The following DNAJC1 variants were observed in gnomAD, a reference collection of about 807,000 sequenced individuals.
The protein encoded by DNAJC1 is DnaJ heat shock protein family (Hsp40) member C1, also known as dnaJ homolog subfamily C member 1.
DNAJC1 carries 58 observed loss-of-function variants against 76.6 expected under a neutral mutation model. The observed-to-expected ratio is 0.76, with a 90% CI of 0.61 to 0.94. The LOEUF (loss-of-function observed/expected upper bound fraction) is 0.94, where lower values mean the gene tolerates loss of function less well. DNAJC1 is among the 40% of genes least tolerant of loss of function. The probability of loss-of-function intolerance (pLI) is 0.00; values close to 1 mark genes in which losing one functional copy is unlikely to be tolerated. For synonymous variants in DNAJC1, 258 were observed against 267.9 expected (o/e 0.96, Z 0.36); for missense variants, 689 against 677.3 (o/e 1.02, Z -0.19).
chr10:21,813,382 GCAAA>G (rs1274107021), intron 8 of DNAJC1, among the ~76,000 whole-genome samples: 1 of 127,810 alleles, frequency 7.8e-6, no homozygotes, highest in Non-Finnish European at 1.6e-5. Flanking sequence ...AGGTCAAAGG[GCAAA>G]CAGTCTTTTT....
intron 7 of DNAJC1, among the ~76,000 whole-genome samples, chr10:21,888,613 A>C (rs1422940009): frequency 6.6e-6 from 1 of 152,226 alleles, no homozygotes; most frequent in Non-Finnish European, 1.5e-5. Context: ...GAATGAGATC[A>C]TGTCTTTTGC....
chr10:21,788,830 G>C (rs957118259), intron 9 of DNAJC1, among the ~76,000 whole-genome samples: 3 of 152,124 alleles, frequency 2.0e-5, no homozygotes, highest in African/African-American at 7.2e-5. Flanking sequence ...AGTCAGGCCA[G>C]AGCTGTGAAC....
chr10:21,790,302 G>A (rs1453229951), intron 9 of DNAJC1, among the ~76,000 whole-genome samples: 1 of 151,676 alleles, frequency 6.6e-6, no homozygotes, highest in Non-Finnish European at 1.5e-5. Flanking sequence ...CCCAAATCTG[G>A]GGCATCCAGA....
intron 1 of DNAJC1, among the ~76,000 whole-genome samples, chr10:21,985,888 T>C (rs1171460712): frequency 2.0e-5 from 3 of 152,046 alleles, no homozygotes; most frequent in Admixed American, 2.0e-4. Flanking sequence ...TGTGGATACC[T>C]AGGAGGAACT....
intron 9 of DNAJC1, among the ~76,000 whole-genome samples, chr10:21,799,589 T>C (rs1834789843): frequency 6.6e-6 from 1 of 152,126 alleles, no homozygotes; most frequent in African/African-American, 2.4e-5. Context: ...AGGCATTAGT[T>C]GCTGCACTTT....
At chr10:21,800,456 T>C (rs909471938) in intron 9 of DNAJC1, among the ~76,000 whole-genome samples, 1 of 152,220 alleles carries the variant, frequency 6.6e-6, no homozygotes, top group Non-Finnish European at 1.5e-5. Flanking sequence ...GCTAATAAAA[T>C]AGATATGAGT....
At chr10:21,964,365 C>A (rs1325449907) in intron 1 of DNAJC1, among the ~76,000 whole-genome samples, 1 of 152,120 alleles carries the variant, frequency 6.6e-6, no homozygotes, top group Admixed American at 6.5e-5. Flanking sequence ...CAGGCACACG[C>A]CACCATGCCT....
chr10:21,884,427 G>A (rs1836335073), intron 7 of DNAJC1, among the ~76,000 whole-genome samples: 1 of 152,100 alleles, frequency 6.6e-6, no homozygotes. Flanking sequence ...ACTGTTGGCA[G>A]GGAAAAGGCT....
intron 8 of DNAJC1, among the ~76,000 whole-genome samples, chr10:21,834,175 A>G (rs1835411878): frequency 6.6e-6 from 1 of 152,164 alleles, no homozygotes. Context: ...GAGGCAGGAC[A>G]ATGGCGTCAA....
intron 1 of DNAJC1, among the ~76,000 whole-genome samples, chr10:21,943,003 T>A (rs1020626926): frequency 7.2e-5 from 11 of 152,124 alleles, no homozygotes; most frequent in Middle Eastern, 3.4e-3. Flanking sequence ...AAATGATTTT[T>A]AAACACCTCA....
chr10:21,868,569 A>T (rs1836047972), intron 8 of DNAJC1, among the ~76,000 whole-genome samples: 1 of 152,086 alleles, frequency 6.6e-6, no homozygotes, highest in Non-Finnish European at 1.5e-5. Context: ...AGTTGATCTC[A>T]AGAGGTCACA....
At chr10:21,770,804 T>C (rs968697790) in intron 9 of DNAJC1, among the ~76,000 whole-genome samples, 3 of 152,224 alleles carry the variant, frequency 2.0e-5, no homozygotes, top group African/African-American at 7.2e-5. Context: ...ACTTTCTTGA[T>C]GGTGTCCTTT....
At chr10:21,824,024 A>C (rs1414794984) in intron 8 of DNAJC1, among the ~76,000 whole-genome samples, 1 of 152,242 alleles carries the variant, frequency 6.6e-6, no homozygotes, top group Non-Finnish European at 1.5e-5. Context: ...TGAGTATCTT[A>C]GCATACACTG....
chr10:21,782,411 C>G (rs1331059217), intron 9 of DNAJC1, among the ~76,000 whole-genome samples: 5 of 152,086 alleles, frequency 3.3e-5, no homozygotes, highest in Non-Finnish European at 1.5e-5. Context: ...AGCCTACCAA[C>G]CAAAAAAAGT....
At chr10:21,897,661 C>T (rs1836565397) in intron 7 of DNAJC1, among the ~76,000 whole-genome samples, 1 of 152,200 alleles carries the variant, frequency 6.6e-6, no homozygotes. Flanking sequence ...CCCCCACTGC[C>T]ACCAGGTGCA....
At chr10:21,814,766 C>T (rs1038487753) in intron 8 of DNAJC1, among the ~76,000 whole-genome samples, 1 of 152,058 alleles carries the variant, frequency 6.6e-6, no homozygotes, top group Non-Finnish European at 1.5e-5. Context: ...GCTCTTACTG[C>T]CCTGGATTGG....
At chr10:21,983,294 T>G (rs1413310089) in intron 1 of DNAJC1, among the ~76,000 whole-genome samples, 1 of 151,996 alleles carries the variant, frequency 6.6e-6, no homozygotes, top group Non-Finnish European at 1.5e-5. Context: ...AGAATGAAAA[T>G]TTGAGATATA....
chr10:21,852,031 C>T (rs1195093215), intron 8 of DNAJC1, among the ~76,000 whole-genome samples: 8 of 146,066 alleles, frequency 5.5e-5, no homozygotes, highest in Admixed American at 2.8e-4. Flanking sequence ...CCAGCCTGAG[C>T]GACAGAGTGA....
At chr10:21,814,410 T>C (rs1352402858) in intron 8 of DNAJC1, among the ~76,000 whole-genome samples, 2 of 152,196 alleles carry the variant, frequency 1.3e-5, no homozygotes, top group East Asian at 3.8e-4. Flanking sequence ...AGCCATAAAG[T>C]CTACTCCCTT....
Sources: allele counts gnomAD v4.1 joint callset (sites outside exome capture counted in the v4.1 genomes callset), GRCh38; gene constraint gnomAD v4.1.1; transcripts MANE v1.5; gene names NCBI Gene and HGNC (gene_info 2026-07-23, HGNC 2026-07-21).